SPMAP1: variants seen among roughly 807,000 people sequenced by gnomAD.
The protein encoded by SPMAP1 is sperm microtubule associated protein 1.
chr17:38,836,715 C>T, the SPMAP1 span, among the ~76,000 whole-genome samples: 1 of 151,020 alleles, frequency 6.6e-6, no homozygotes, highest in Non-Finnish European at 1.5e-5. Context: ...CTCAGCCTCC[C>T]AAGTAGCTGG....
the SPMAP1 span, among the ~76,000 whole-genome samples, chr17:38,838,761 T>C: frequency 2.2e-4 from 34 of 151,376 alleles, no homozygotes; most frequent in African/African-American, 8.0e-4. Flanking sequence ...GTGACAGAGT[T>C]GCACTCTGTC....
chr17:38,840,208 CCA>C, the SPMAP1 span, among the ~76,000 whole-genome samples: 1 of 152,256 alleles, frequency 6.6e-6, no homozygotes, highest in East Asian at 1.9e-4. Flanking sequence ...CCATGCCCTG[CCA>C]CTATGATGTC....
chr17:38,837,756 G>T, the SPMAP1 span, among the ~76,000 whole-genome samples: 1 of 152,022 alleles, frequency 6.6e-6, no homozygotes, highest in Non-Finnish European at 1.5e-5. Context: ...GAGCTTGGCA[G>T]CTGAAGGCTC....
At chr17:38,835,332 G>A in the SPMAP1 span, 2 of 1,614,074 alleles carry the variant, frequency 1.2e-6, no homozygotes, top group Admixed American at 1.7e-5. Flanking sequence ...CCAGTCACCT[G>A]CTGGAGAGAA....
chr17:38,838,919 T>C, the SPMAP1 span, among the ~76,000 whole-genome samples: 2 of 151,640 alleles, frequency 1.3e-5, no homozygotes, highest in African/African-American at 4.8e-5. Flanking sequence ...ACCCCGTCTC[T>C]ACTAAAAATA....
the SPMAP1 span, among the ~76,000 whole-genome samples, chr17:38,837,695 AAAAAAG>A: frequency 6.4e-3 from 972 of 151,956 alleles, 4 homozygotes; most frequent in African/African-American, 0.022. Context: ...AAAAAAAAGA[AAAAAAG>A]AAAAAGAAAA....
the SPMAP1 span, chr17:38,835,287 C>T: frequency 5.6e-6 from 9 of 1,614,036 alleles, no homozygotes; most frequent in African/African-American, 1.3e-5. Context: ...TTGAACCCAT[C>T]GATCGGTTTC....
At chr17:38,837,247 G>A in the SPMAP1 span, 1 of 1,600,894 alleles carries the variant, frequency 6.2e-7, no homozygotes, top group East Asian at 2.2e-5. Context: ...GATCCTGAAA[G>A]TGGGCAAGAG....
At chr17:38,839,017 C>T in the SPMAP1 span, among the ~76,000 whole-genome samples, 2 of 133,348 alleles carry the variant, frequency 1.5e-5, no homozygotes, top group Admixed American at 9.2e-5. Flanking sequence ...ACTTGTGAGG[C>T]AGAGGTTGCA....
chr17:38,836,718 G>C, the SPMAP1 span, among the ~76,000 whole-genome samples: 1 of 151,214 alleles, frequency 6.6e-6, no homozygotes, highest in East Asian at 2.0e-4. Flanking sequence ...AGCCTCCCAA[G>C]TAGCTGGGAT....
the SPMAP1 span, among the ~76,000 whole-genome samples, chr17:38,835,537 G>T: frequency 1.3e-5 from 2 of 152,204 alleles, no homozygotes; most frequent in African/African-American, 4.8e-5. Flanking sequence ...GGGGCAGAAG[G>T]CTTCCTAGAA....
At chr17:38,837,572 G>A in the SPMAP1 span, among the ~76,000 whole-genome samples, 1 of 151,720 alleles carries the variant, frequency 6.6e-6, no homozygotes. Flanking sequence ...CAGCTGCTCA[G>A]GAGGCTGAGG....
chr17:38,835,391 C>T, the SPMAP1 span: 2 of 1,604,392 alleles, frequency 1.2e-6, no homozygotes, highest in South Asian at 1.1e-5. Context: ...TTCAGCCCAC[C>T]TCTTGGCTTC....
chr17:38,837,595 T>C, the SPMAP1 span, among the ~76,000 whole-genome samples: 3 of 151,134 alleles, frequency 2.0e-5, no homozygotes, highest in African/African-American at 7.3e-5. Context: ...GTACAATTGC[T>C]TGAACCCCGG....
At chr17:38,839,476 A>AT in the SPMAP1 span, among the ~76,000 whole-genome samples, 1 of 149,384 alleles carries the variant, frequency 6.7e-6, no homozygotes, top group Non-Finnish European at 1.5e-5. Flanking sequence ...TCAAAAAAAA[A>AT]AAAAAAGAAA....
chr17:38,838,146 G>A, the SPMAP1 span, among the ~76,000 whole-genome samples: 2 of 151,596 alleles, frequency 1.3e-5, no homozygotes, highest in South Asian at 2.1e-4. Context: ...GCCTCCCAAA[G>A]TGCTGGGATT....
chr17:38,841,414 C>A, the SPMAP1 span: 8 of 1,610,072 alleles, frequency 5.0e-6, no homozygotes, highest in Non-Finnish European at 6.8e-6. Flanking sequence ...CCTCGGAGGG[C>A]CTTTCTGGTG....
At chr17:38,837,749 C>G in the SPMAP1 span, among the ~76,000 whole-genome samples, 1 of 151,990 alleles carries the variant, frequency 6.6e-6, no homozygotes, top group African/African-American at 2.4e-5. Flanking sequence ...GGCAGTTGAG[C>G]TTGGCAGCTG....
the SPMAP1 span, chr17:38,837,186 C>T: frequency 1.1e-5 from 18 of 1,613,878 alleles, 1 homozygote; most frequent in Middle Eastern, 1.6e-4. Flanking sequence ...TGTCCTTGCC[C>T]GAAGATGTGG....
Sources: allele counts gnomAD v4.1 joint callset (sites outside exome capture counted in the v4.1 genomes callset), GRCh38; gene constraint gnomAD v4.1.1; transcripts MANE v1.5; gene names NCBI Gene and HGNC (gene_info 2026-07-23, HGNC 2026-07-21).